DTNA: variants seen among roughly 807,000 people sequenced by gnomAD.
The protein encoded by DTNA is dystrobrevin alpha.
Under a neutral mutation model 100.7 loss-of-function variants are expected in DTNA, and 43 were observed. That is an observed-to-expected ratio of 0.43 (90% CI 0.33 to 0.55). DTNA has a LOEUF of 0.55. Ranked by LOEUF, DTNA falls within the 20% of genes least tolerant of loss-of-function variation. DTNA has a pLI of 0.04. For missense variants in DTNA, 798 were observed against 953.9 expected, an observed-to-expected ratio of 0.84 and a Z score of 2.15; for synonymous variants, 349 against 347.9, an observed-to-expected ratio of 1.00 and a Z score of -0.04.
intron 2 of DTNA, among the ~76,000 whole-genome samples, chr18:34,763,887 A>G (rs1474114821): frequency 6.6e-6 from 1 of 152,198 alleles, no homozygotes; most frequent in Non-Finnish European, 1.5e-5. Context: ...TTACCCTAAA[A>G]AAAGTCAAGG....
chr18:34,559,306 C>T (rs1344165825), intron 1 of DTNA, among the ~76,000 whole-genome samples: 6 of 152,174 alleles, frequency 3.9e-5, no homozygotes, highest in South Asian at 2.1e-4. Context: ...ATTGCAATTT[C>T]GCCAGGGTGA....
At chr18:34,850,905 T>C (rs1185832732) in intron 14 of DTNA, among the ~76,000 whole-genome samples, 1 of 151,966 alleles carries the variant, frequency 6.6e-6, no homozygotes, top group Non-Finnish European at 1.5e-5. Flanking sequence ...TGTATACCAG[T>C]CGTTAAAGCT....
intron 1 of DTNA, among the ~76,000 whole-genome samples, chr18:34,599,330 T>C (rs1240896480): frequency 6.6e-6 from 1 of 152,242 alleles, no homozygotes; most frequent in Non-Finnish European, 1.5e-5. Flanking sequence ...TTTTGCCTCA[T>C]CTATAAAAGA....
chr18:34,874,558 C>A (rs2150315815), intron 17 of DTNA, among the ~76,000 whole-genome samples: 1 of 152,238 alleles, frequency 6.6e-6, no homozygotes, highest in South Asian at 2.1e-4. Flanking sequence ...TATTGTCCTG[C>A]TAGAATACTG....
chr18:34,861,051 G>A (rs1217965448), intron 16 of DTNA, among the ~76,000 whole-genome samples: 1 of 151,930 alleles, frequency 6.6e-6, no homozygotes, highest in African/African-American at 2.4e-5. Flanking sequence ...TGTAATTTAT[G>A]TATATATTTC....
chr18:34,868,952 G>A (rs2096736736), intron 17 of DTNA: 2 of 212,368 alleles, frequency 9.4e-6, no homozygotes, highest in Non-Finnish European at 1.6e-5. Context: ...AGAGTTTCTG[G>A]TACACTTCCA....
In DTNA at chr18:34,820,879, A is replaced by G. The variant is rs1186988281; in HGVS notation, c.965A>G (p.Asp322Gly). The part of the protein sequence containing the change: ...SREPLHPMFP[D>G]QPEKPLNLAH... ...GAACCTTTGCACCCCATGTTCCCAG[A>G]TCAGCCTGAGAAGCCACTCAACTTG... Residue 322 changes from aspartate (D) to glycine (G), a missense_variant, in exon 9 of 23, where the codon GAT (aspartate) becomes GGT (glycine). This residue lies in a region of DTNA where 93 missense variants were observed against 90.5 expected (regional missense o/e 1.03). Coordinates refer to ENST00000444659, the MANE Select transcript of DTNA (RefSeq NM_001386795.1). The G allele has an allele frequency of 6.2e-7, 1 of 1,614,044 alleles. No homozygotes were observed. The highest frequency in any genetic ancestry group is 8.5e-7 in the Non-Finnish European group (1 of 1,180,014).
chr18:34,722,606 T>TACACACACACACACACACACACAC (rs71166022), intron 1 of DTNA, among the ~76,000 whole-genome samples: 12 of 147,124 alleles, frequency 8.2e-5, no homozygotes, highest in Non-Finnish European at 1.7e-4. Flanking sequence ...TATATATACA[T>TACACACACACACACACACACACAC]ACACACACAC....
intron 1 of DTNA, among the ~76,000 whole-genome samples, chr18:34,511,869 T>C (rs2041125876): frequency 6.6e-6 from 1 of 152,080 alleles, no homozygotes; most frequent in Admixed American, 6.6e-5. Context: ...GTTTCTTGAA[T>C]GTCCCCAAGT....
chr18:34,873,372 A>G (rs775287164), intron 17 of DTNA, among the ~76,000 whole-genome samples: 3 of 152,216 alleles, frequency 2.0e-5, no homozygotes, highest in Non-Finnish European at 4.4e-5. Context: ...TAAAGAGGAC[A>G]GAGACAAGAG....
intron 15 of DTNA, among the ~76,000 whole-genome samples, chr18:34,855,145 G>C (rs2096537420): frequency 6.6e-6 from 1 of 152,184 alleles, no homozygotes; most frequent in African/African-American, 2.4e-5. Context: ...CATAGACTTT[G>C]AGAAAAGCAA....
At chr18:34,818,599 A>G (rs2095643981) in intron 8 of DTNA, 3 of 1,293,122 alleles carry the variant, frequency 2.3e-6, no homozygotes, top group Admixed American at 3.2e-5. Context: ...ACTGATTTAA[A>G]TAACAACTGA....
chr18:34,817,534 A>G (rs1193406638), intron 7 of DTNA, among the ~76,000 whole-genome samples: 1 of 152,118 alleles, frequency 6.6e-6, no homozygotes, highest in Non-Finnish European at 1.5e-5. Flanking sequence ...CTGTTTTCAG[A>G]TAATTTGCAC....
intron 1 of DTNA, among the ~76,000 whole-genome samples, chr18:34,747,289 T>C (rs566344609): frequency 2.8e-4 from 43 of 152,186 alleles, no homozygotes; most frequent in Non-Finnish European, 5.9e-4. Context: ...TAGCATCATA[T>C]TTCCACTCAA....
intron 3 of DTNA, among the ~76,000 whole-genome samples, chr18:34,767,156 A>G (rs1197706303): frequency 6.6e-6 from 1 of 152,190 alleles, no homozygotes; most frequent in Non-Finnish European, 1.5e-5. Context: ...TGAAAACCGT[A>G]ATGTTCTCCT....
At chr18:34,674,546 GCCATGATT>G (rs748478270) in intron 1 of DTNA, among the ~76,000 whole-genome samples, 7 of 152,118 alleles carry the variant, frequency 4.6e-5, no homozygotes, top group Non-Finnish European at 1.0e-4. Flanking sequence ...TAGTCCAAGG[GCCATGATT>G]CCAAATCCAT....
intron 1 of DTNA, among the ~76,000 whole-genome samples, chr18:34,573,555 G>A (rs12953602): frequency 6.6e-6 from 1 of 152,074 alleles, no homozygotes; most frequent in Non-Finnish European, 1.5e-5. Context: ...TGGATAAAGG[G>A]TAGGCTCTTT....
intron 1 of DTNA, among the ~76,000 whole-genome samples, chr18:34,608,714 TA>T (rs1250354327): frequency 2.0e-5 from 3 of 152,312 alleles, no homozygotes; most frequent in African/African-American, 7.2e-5. Context: ...TTTGTGAGAA[TA>T]AAAGTCAGGC....
chr18:34,673,969 GCCT>G lies in DTNA; in HGVS notation c.-1-82006_-1-82004del, dbSNP rs560429123. Among the ~76,000 whole-genome samples the G allele has an allele frequency of 6.6e-4, 101 of 152,322 alleles. 2 individuals carry two copies. In the South Asian group the frequency reaches 0.014, roughly 21 times the overall value. ...AACTGAAAAGTGAGGCACAGCAGTG[GCCT>G]ATATGGATACCCAGAATTGTGAAGT... On this transcript the variant is annotated intron_variant, in intron 1 of 19. Transcript: ENST00000283365.
Sources: allele counts gnomAD v4.1 joint callset (sites outside exome capture counted in the v4.1 genomes callset), GRCh38; gene constraint gnomAD v4.1.1; regional missense constraint gnomAD v4.1.1; transcripts MANE v1.5; gene names NCBI Gene and HGNC (gene_info 2026-07-23, HGNC 2026-07-21).